Variants in THEMIS observed in about 807,000 individuals in gnomAD.
THEMIS encodes thymocyte selection associated.
In THEMIS, 37 loss-of-function variants were observed where a neutral mutation model predicts 52.6. The ratio of observed to expected loss-of-function variants is 0.70; its 90% CI spans 0.54 to 0.93. THEMIS has a LOEUF of 0.93. THEMIS is among the 40% of genes least tolerant of loss of function. The probability of loss-of-function intolerance (pLI) is 0.00; values close to 1 mark genes in which losing one functional copy is unlikely to be tolerated. For missense variants in THEMIS, 808 were observed against 763.1 expected, an observed-to-expected ratio of 1.06 and a Z score of -0.69; for synonymous variants, 292 against 272.7, an observed-to-expected ratio of 1.07 and a Z score of -0.70.
At chr6:127,811,356 T>C (rs1359337438) in intron 4 of THEMIS, among the ~76,000 whole-genome samples, 1 of 152,220 alleles carries the variant, frequency 6.6e-6, no homozygotes, top group Admixed American at 6.5e-5. Context: ...TTGTCTTCTC[T>C]GGCTTCTAGA....
At chr6:127,910,160 A>C (rs965579405) in intron 1 of THEMIS, 1 of 152,150 alleles carries the variant, frequency 6.6e-6, no homozygotes, top group African/African-American at 2.4e-5. Context: ...TTCCTTTTTA[A>C]ATATATAAAC....
chr6:127,808,362 C>G (rs78196827), intron 4 of THEMIS, among the ~76,000 whole-genome samples: 10,622 of 152,218 alleles, frequency 0.07, 375 homozygotes, highest in Non-Finnish European at 0.086. Context: ...GAAACCACTT[C>G]TAACATACAA....
chr6:127,786,301 T>C (rs1776946287), intron 4 of THEMIS, among the ~76,000 whole-genome samples: 1 of 152,172 alleles, frequency 6.6e-6, no homozygotes, highest in African/African-American at 2.4e-5. Flanking sequence ...CCAAAAAGCT[T>C]CAGGGAATAG....
At chr6:127,906,005 GTAATTTAAATT>G (rs1781261130), upstream of THEMIS, among the ~76,000 whole-genome samples, 3 of 145,610 alleles carry the variant, frequency 2.1e-5, no homozygotes, top group African/African-American at 8.2e-5. Context: ...TAATTTAAAT[GTAATTTAAATT>G]AAATAATTTA....
intron 2 of THEMIS, among the ~76,000 whole-genome samples, chr6:127,846,188 A>G (rs965843496): frequency 2.0e-5 from 3 of 152,030 alleles, no homozygotes; most frequent in African/African-American, 7.2e-5. Flanking sequence ...TTACAGATTT[A>G]GTTCAGAAAA....
chr6:127,783,062 C>T (rs1776803070), intron 4 of THEMIS, among the ~76,000 whole-genome samples: 1 of 152,084 alleles, frequency 6.6e-6, no homozygotes, highest in Admixed American at 6.5e-5. Flanking sequence ...TGGAACAGAA[C>T]AGAGGCCTCA....
chr6:127,769,040 T>C (rs1036378577), intron 4 of THEMIS, among the ~76,000 whole-genome samples: 1 of 152,244 alleles, frequency 6.6e-6, no homozygotes, highest in African/African-American at 2.4e-5. Context: ...GTATTTACTT[T>C]GTAAACTTCC....
chr6:127,782,078 C>T (rs561579457), intron 4 of THEMIS, among the ~76,000 whole-genome samples: 10 of 152,294 alleles, frequency 6.6e-5, no homozygotes, highest in Admixed American at 5.9e-4. Context: ...CTTCCCTTCC[C>T]GGTGGCTTTG....
intron 4 of THEMIS, 103 bp from the exon 5 acceptor site, chr6:127,719,926 CA>C: frequency 6.9e-7 from 1 of 1,446,166 alleles, no homozygotes; most frequent in East Asian, 2.4e-5. Context: ...ATGTCTGAAA[CA>C]GAACATTTGA....
At chr6:127,865,420 C>G (rs549837710) in intron 1 of THEMIS, among the ~76,000 whole-genome samples, 1 of 152,066 alleles carries the variant, frequency 6.6e-6, no homozygotes, top group East Asian at 1.9e-4. Flanking sequence ...GCTGAGTTAA[C>G]CCTTTACTAA....
intron 4 of THEMIS, among the ~76,000 whole-genome samples, chr6:127,783,267 A>G (rs921391299): frequency 1.3e-5 from 2 of 152,214 alleles, no homozygotes; most frequent in East Asian, 3.8e-4. Context: ...TAAATATTAG[A>G]CCTAAAACCT....
chr6:127,738,257 A>C (rs1271832522), intron 4 of THEMIS, among the ~76,000 whole-genome samples: 2 of 152,182 alleles, frequency 1.3e-5, no homozygotes, highest in Non-Finnish European at 2.9e-5. Context: ...ATTCACTGTG[A>C]TCCACAGAGA....
At chr6:127,794,843 C>A (rs139815115) in intron 4 of THEMIS, among the ~76,000 whole-genome samples, 171 of 152,212 alleles carry the variant, frequency 1.1e-3, no homozygotes, top group African/African-American at 3.9e-3. Context: ...TTTACCTGAT[C>A]ATTTAGCTGT....
intron 4 of THEMIS, among the ~76,000 whole-genome samples, chr6:127,807,843 C>A (rs780734700): frequency 6.6e-6 from 1 of 152,196 alleles, no homozygotes; most frequent in East Asian, 1.9e-4. Context: ...GTGGATTTCT[C>A]TAACACATTT....
intron 1 of THEMIS, among the ~76,000 whole-genome samples, chr6:127,857,181 AG>A (rs1779646675): frequency 6.6e-6 from 1 of 152,062 alleles, no homozygotes; most frequent in South Asian, 2.1e-4. Context: ...ACAATTAAGC[AG>A]ACAATTGCAA....
rs146489806 is a variant in THEMIS at position 127,773,016 on chromosome 6, G to A, written c.1758+39867C>T. On this transcript the variant is annotated intron_variant, in intron 4 of 5. Transcript: ENST00000368248. ...AAGTTCCAAAATGCAATGTCTGTAC[G>A]CATGTAAAGATATGCTGACTCAAAC... Among the ~76,000 whole-genome samples the A allele has an allele frequency of 3.4e-3, 521 of 152,208 alleles. 3 individuals carry two copies. Among genetic ancestry groups the A allele is most frequent in the African/African-American group, 0.012 (481 of 41,546 alleles).
chr6:127,874,957 A>G (rs761661272), intron 1 of THEMIS, among the ~76,000 whole-genome samples: 1 of 152,228 alleles, frequency 6.6e-6, no homozygotes, highest in Non-Finnish European at 1.5e-5. Flanking sequence ...GCTGAGCTTC[A>G]CCTTTCATCA....
chr6:127,873,031 TA>T (rs1780203561), intron 1 of THEMIS, among the ~76,000 whole-genome samples: 1 of 152,164 alleles, frequency 6.6e-6, no homozygotes, highest in Non-Finnish European at 1.5e-5. Flanking sequence ...AAATTCAAAA[TA>T]AAATATTTGT....
chr6:127,819,118 T>TAAAAAAAAAAAAAAAAA (rs142123167), intron 3 of THEMIS, among the ~76,000 whole-genome samples: 7 of 19,480 alleles, frequency 3.6e-4, no homozygotes, highest in African/African-American at 8.0e-4. Context: ...AGACTCTGTC[T>TAAAAAAAAAAAAAAAAA]AAAAAAAAAA....
Sources: allele counts gnomAD v4.1 joint callset (sites outside exome capture counted in the v4.1 genomes callset), GRCh38; gene constraint gnomAD v4.1.1; transcripts MANE v1.5; gene names NCBI Gene and HGNC (gene_info 2026-07-23, HGNC 2026-07-21).